The following KCNIP4 variants were observed in gnomAD, a reference collection of about 807,000 sequenced individuals.
The protein encoded by KCNIP4 is Kv channel-interacting protein 4.
A neutral mutation model predicts 34.0 loss-of-function variants in KCNIP4; 12 were observed. The observed-to-expected ratio is 0.35, with a 90% CI of 0.23 to 0.57. The LOEUF (loss-of-function observed/expected upper bound fraction) is 0.57. Among genes scored for constraint, KCNIP4 ranks in the 20% least tolerant of loss-of-function variants. KCNIP4 has a pLI of 0.83. For synonymous variants in KCNIP4, 124 were observed against 102.2 expected, an observed-to-expected ratio of 1.21 and a Z score of -1.29; for missense variants, 238 against 311.7, an observed-to-expected ratio of 0.76 and a Z score of 1.78.
At chr4:21,366,796 AAGAG>A (rs1560333720) in intron 1 of KCNIP4, among the ~76,000 whole-genome samples, 1 of 151,942 alleles carries the variant, frequency 6.6e-6, no homozygotes, top group Non-Finnish European at 1.5e-5. Flanking sequence ...GAGAGAAACA[AAGAG>A]AGAGAGAGGG....
intron 1 of KCNIP4, among the ~76,000 whole-genome samples, chr4:21,944,271 C>T (rs112605080): frequency 0.013 from 1,988 of 151,886 alleles, 41 homozygotes; most frequent in African/African-American, 0.045. Context: ...TGGCTGGGCG[C>T]GGTAGCTCAC....
intron 1 of KCNIP4, among the ~76,000 whole-genome samples, chr4:21,613,119 T>C (rs905942770): frequency 6.6e-6 from 1 of 152,166 alleles, no homozygotes; most frequent in African/African-American, 2.4e-5. Flanking sequence ...ATTTCTCCCA[T>C]AATCCAGTGT....
Position 21,179,859 on chromosome 4 carries a change from C to T in KCNIP4, c.62-297150G>A, listed in dbSNP as rs561354378. Among the ~76,000 whole-genome samples the T allele has an allele frequency of 3.9e-5, 6 of 152,192 alleles. No individual in the cohort carries two copies. The South Asian group carries it at 1.0e-3, about 26-fold the overall frequency. On this transcript the variant is annotated intron_variant, in intron 1 of 8. Coordinates refer to ENST00000382152, the MANE Select transcript of KCNIP4 (RefSeq NM_025221.6). ...TCATTTATTTCTTTCTCTTAGCTAT[C>T]TTTCTCCTTAAAGTACAGTTTACAT...
At chr4:21,870,034 T>C (rs1013249878) in intron 1 of KCNIP4, among the ~76,000 whole-genome samples, 1 of 152,180 alleles carries the variant, frequency 6.6e-6, no homozygotes, top group African/African-American at 2.4e-5. Flanking sequence ...TCTTATACCA[T>C]CTGTGTATCT....
intron 1 of KCNIP4, among the ~76,000 whole-genome samples, chr4:21,722,891 C>T (rs994302759): frequency 2.0e-5 from 3 of 152,106 alleles, no homozygotes; most frequent in African/African-American, 7.2e-5. Flanking sequence ...ATTGGCAATT[C>T]AGTATGTGTA....
chr4:21,732,029 T>C (rs539395695), intron 1 of KCNIP4, among the ~76,000 whole-genome samples: 2 of 150,654 alleles, frequency 1.3e-5, no homozygotes, highest in South Asian at 4.2e-4. Context: ...TATATAAAAA[T>C]ATATATATAT....
At chr4:20,966,533 T>G (rs1275146306) in intron 1 of KCNIP4, among the ~76,000 whole-genome samples, 2 of 152,300 alleles carry the variant, frequency 1.3e-5, no homozygotes, top group East Asian at 3.9e-4. Context: ...CAGAAGACTG[T>G]GGTTGATTCC....
intron 1 of KCNIP4, among the ~76,000 whole-genome samples, chr4:21,455,808 C>CATATATATATATATAT (rs1171436191): frequency 1.4e-5 from 1 of 71,928 alleles, no homozygotes; most frequent in Non-Finnish European, 2.4e-5. Flanking sequence ...TACAGATATT[C>CATATATATATATATAT]ATATATATAT....
chr4:21,151,975 G>A (rs966296110), intron 1 of KCNIP4, among the ~76,000 whole-genome samples: 3 of 152,160 alleles, frequency 2.0e-5, no homozygotes, highest in African/African-American at 7.2e-5. Context: ...AAAATAGGCT[G>A]GGTGCGGTGG....
intron 1 of KCNIP4, among the ~76,000 whole-genome samples, chr4:21,826,495 A>C (rs563563832): frequency 5.3e-5 from 8 of 152,294 alleles, no homozygotes; most frequent in African/African-American, 1.7e-4. Context: ...CAATAAAAAA[A>C]ATACAGAACT....
chr4:21,442,579 C>G (rs962794108), intron 1 of KCNIP4, among the ~76,000 whole-genome samples: 6 of 152,220 alleles, frequency 3.9e-5, no homozygotes, highest in African/African-American at 1.4e-4. Context: ...GTTGACCACT[C>G]TCTTCTCCTA....
At chr4:21,908,729 T>C (rs1186995827) in intron 1 of KCNIP4, among the ~76,000 whole-genome samples, 2 of 152,188 alleles carry the variant, frequency 1.3e-5, no homozygotes, top group East Asian at 3.9e-4. Context: ...ATTCTCAATT[T>C]AATCAGAAAT....
At chr4:21,389,744 T>C (rs917147486) in intron 1 of KCNIP4, among the ~76,000 whole-genome samples, 11 of 152,090 alleles carry the variant, frequency 7.2e-5, no homozygotes, top group Non-Finnish European at 1.3e-4. Context: ...CTATTGCGAA[T>C]AGTGCCACAA....
chr4:21,639,402 T>C (rs144434230), intron 1 of KCNIP4, among the ~76,000 whole-genome samples: 5 of 152,266 alleles, frequency 3.3e-5, no homozygotes, highest in Admixed American at 6.5e-5. Flanking sequence ...AACAAATCTA[T>C]ACAATTGTCA....
chr4:20,963,553 T>C (rs1734061460), intron 1 of KCNIP4, among the ~76,000 whole-genome samples: 1 of 152,038 alleles, frequency 6.6e-6, no homozygotes, highest in Admixed American at 6.6e-5. Context: ...CTATGTGTAC[T>C]ATGGATTAAA....
chr4:21,727,090 A>C (rs1715249526), intron 1 of KCNIP4, among the ~76,000 whole-genome samples: 1 of 152,168 alleles, frequency 6.6e-6, no homozygotes, highest in Admixed American at 6.5e-5. Context: ...GAGTGGTCAC[A>C]TGTGCCATGT....
intron 1 of KCNIP4, among the ~76,000 whole-genome samples, chr4:21,227,354 C>T (rs1169217450): frequency 1.3e-5 from 2 of 152,102 alleles, no homozygotes; most frequent in Non-Finnish European, 2.9e-5. Context: ...TTAACTTGGC[C>T]CAGAGCAGGA....
chr4:21,730,534 T>TG (rs1168627484), intron 1 of KCNIP4, among the ~76,000 whole-genome samples: 1 of 152,010 alleles, frequency 6.6e-6, no homozygotes, highest in African/African-American at 2.4e-5. Context: ...GGATATATAT[T>TG]GGGGGTGAGG....
At chr4:21,591,189 A>T (rs1019417106) in intron 1 of KCNIP4, among the ~76,000 whole-genome samples, 5 of 152,064 alleles carry the variant, frequency 3.3e-5, no homozygotes, top group African/African-American at 1.2e-4. Flanking sequence ...AATAGGTGTC[A>T]TAAAAAACAA....
Sources: allele counts gnomAD v4.1 joint callset (sites outside exome capture counted in the v4.1 genomes callset), GRCh38; gene constraint gnomAD v4.1.1; transcripts MANE v1.5; gene names NCBI Gene and HGNC (gene_info 2026-07-23, HGNC 2026-07-21).